The following ATP10D variants were observed in gnomAD, a reference collection of about 807,000 sequenced individuals.
ATP10D encodes phospholipid-transporting ATPase VD.
Under a neutral mutation model 144.8 loss-of-function variants are expected in ATP10D, and 89 were observed. The observed-to-expected ratio is 0.61, with a 90% CI of 0.52 to 0.73. The LOEUF (loss-of-function observed/expected upper bound fraction) is 0.73, where lower values mean the gene tolerates loss of function less well. Among genes scored for constraint, ATP10D ranks in the 30% least tolerant of loss-of-function variants. The pLI, the probability that ATP10D is intolerant of heterozygous loss-of-function variation, is 0.00. For synonymous variants in ATP10D, 571 were observed against 615.1 expected (o/e 0.93, Z 1.06); for missense variants, 1,603 against 1,714.8 (o/e 0.93, Z 1.15).
chr4:47,568,870 A>G lies in ATP10D; in HGVS notation c.2887A>G (p.Lys963Glu), dbSNP rs2109460434. The change falls in exon 16 of 23, where the codon AAA becomes GAA. Residue 963 changes from lysine (K) to glutamate (E), a missense_variant. Coordinates refer to ENST00000273859, the MANE Select transcript of ATP10D (RefSeq NM_020453.4). ...ACGMLMSTILKELQKKTQALP... is the reference protein window; with the variant it reads ...ACGMLMSTILEELQKKTQALP... Reference sequence around the variant, plus strand: ...TGGGATGCTGATGAGCACAATTTTGAAAGAACTTCAGAAGAAAACTCAAGC... The same window carrying G: ...TGGGATGCTGATGAGCACAATTTTGGAAGAACTTCAGAAGAAAACTCAAGC... The G allele has an allele frequency of 6.2e-7, 1 of 1,614,112 alleles. No individual in the cohort carries two copies. The highest frequency in any genetic ancestry group is 1.1e-5 in the South Asian group (1 of 91,080).
At position 47,572,936 on chromosome 4, in the gene ATP10D, A is replaced by C. The variant is rs751621741; in HGVS notation, c.3305A>C (p.His1102Pro). 2 of 1,614,088 alleles carry C rather than the reference A, an allele frequency of 1.2e-6. No homozygotes were observed. Among genetic ancestry groups the C allele is most frequent in the South Asian group, 1.1e-5 (1 of 91,082 alleles). The stretch of plus-strand genomic sequence containing the variant: ...CATCTCAGCAAGCTCCTTCTTGTCC[A>C]TGGACACTGGTGTTATACACGGCTT... Reference protein sequence around the residue: ...FKHLSKLLLVHGHWCYTRLSN... With the variant: ...FKHLSKLLLVPGHWCYTRLSN... Residue 1102 changes from histidine to proline, a missense_variant, in exon 18 of 23, where the codon CAT becomes CCT. Physicochemically the swap from His to Pro is moderately conservative, Grantham distance 77 (BLOSUM62 -2). Transcript: ENST00000273859.
Position 47,572,175 on chromosome 4 carries a change from G to A in ATP10D, c.3185G>A (p.Ser1062Asn), listed in dbSNP as rs1312435031. The A allele has an allele frequency of 1.8e-5, 29 of 1,613,922 alleles. No individual in the cohort carries two copies. The highest frequency in any genetic ancestry group is 2.3e-5 in the Non-Finnish European group (27 of 1,179,984). Residue 1062 changes from serine (S) to asparagine (N), a missense_variant, in exon 17 of 23, where the codon AGC becomes AAC. Physicochemically the swap from Ser to Asn is conservative, Grantham distance 46 (BLOSUM62 1). Coordinates refer to ENST00000273859, the MANE Select transcript of ATP10D (RefSeq NM_020453.4). ...GAAGGTGATGGTGCCAATGATGTTA[G>A]CATGATACAAGTGGCAGACATTGGG... ...LAIGDGANDVSMIQVADIGIG... is the reference protein window; with the variant it reads ...LAIGDGANDVNMIQVADIGIG...
intron 9 of ATP10D, among the ~76,000 whole-genome samples, chr4:47,537,267 T>C (rs1346910792): frequency 2.0e-5 from 3 of 152,184 alleles, no homozygotes; most frequent in Non-Finnish European, 4.4e-5. Context: ...AAAAATATTT[T>C]GGAAATAATT....
At chr4:47,521,324 A>G (rs1716934927) in intron 3 of ATP10D, among the ~76,000 whole-genome samples, 1 of 152,182 alleles carries the variant, frequency 6.6e-6, no homozygotes, top group Non-Finnish European at 1.5e-5. Flanking sequence ...TGACAGCACC[A>G]TCCATCACCT....
Position 47,519,621 on chromosome 4 carries a change from C to A in ATP10D, c.486-3391C>A, listed in dbSNP as rs750194239. Reference sequence around the variant, plus strand: ...GTTTAACCTGTGGTTGCTTTCCCACCGTGCTCTCTGAAGCCTTCTTTATTC... The same window carrying A: ...GTTTAACCTGTGGTTGCTTTCCCACAGTGCTCTCTGAAGCCTTCTTTATTC... On this transcript the variant is annotated intron_variant, in intron 3 of 22. Transcript: ENST00000273859. Among the ~76,000 whole-genome samples the A allele has an allele frequency of 1.2e-4, 19 of 152,224 alleles. No homozygotes were observed. In the East Asian group the frequency reaches 2.3e-3, roughly 18 times the overall value.
At chr4:47,513,970 G>A (rs1716498351) in intron 2 of ATP10D, among the ~76,000 whole-genome samples, 1 of 152,106 alleles carries the variant, frequency 6.6e-6, no homozygotes, top group African/African-American at 2.4e-5. Flanking sequence ...CAGATACTGT[G>A]GATTTAGTGT....
In ATP10D at chr4:47,536,417, G is replaced by A. The variant is rs1717847785; in HGVS notation, c.1016-20G>A. ...GCCATATATTTAGCATCCTTTTGAT[G>A]TCTGTGTATTTTTTGAAAGGTCATG... On this transcript the variant is annotated intron_variant, in intron 7 of 22. Coordinates refer to ENST00000273859, the MANE Select transcript of ATP10D (RefSeq NM_020453.4). The A allele has an allele frequency of 1.2e-6, 2 of 1,609,736 alleles. No homozygotes were observed. The highest frequency in any genetic ancestry group is 3.4e-5 in the Admixed American group (2 of 59,160).
chr4:47,555,647 C>T (rs538053098), intron 11 of ATP10D, among the ~76,000 whole-genome samples: 18 of 152,208 alleles, frequency 1.2e-4, no homozygotes, highest in South Asian at 4.2e-4. Context: ...GTTTATGTGC[C>T]AAATTGAAGC....
intron 22 of ATP10D, among the ~76,000 whole-genome samples, chr4:47,588,981 A>G (rs756419481): frequency 1.3e-5 from 2 of 152,218 alleles, no homozygotes; most frequent in Non-Finnish European, 2.9e-5. Flanking sequence ...GAGTGATTAC[A>G]TTATGGATCT....
At position 47,536,008 on chromosome 4, in the gene ATP10D, C is replaced by A; in HGVS notation, c.990C>A (p.Val330=). Residue 330 remains valine, a synonymous_variant, in exon 7 of 23, where the codon GTC becomes GTA. Transcript: ENST00000273859. The stretch of plus-strand genomic sequence containing the variant: ...TCCTCTGGTGTGTCATGCTTCTGGT[C>A]ATAATGTGCTTAACTGGCGCAGTAG... ...TDVLWCVMLL[V]IMCLTGAVGH... is the part of the protein sequence containing the mutation. 6.2e-7 allele frequency: 1 copy of A among 1,612,190 alleles called. No individual in the cohort carries two copies. Among genetic ancestry groups the A allele is most frequent in the South Asian group, 1.1e-5 (1 of 90,694 alleles).
intron 12 of ATP10D, among the ~76,000 whole-genome samples, chr4:47,558,512 C>A (rs1719114336): frequency 6.6e-6 from 1 of 152,168 alleles, no homozygotes; most frequent in African/African-American, 2.4e-5. Context: ...GCTAACTATT[C>A]TGTGCCTAAG....
chr4:47,523,038 G>A lies in ATP10D; in HGVS notation c.512G>A (p.Cys171Tyr), dbSNP rs766813065. 4.3e-6 allele frequency: 7 copies of A among 1,612,208 alleles called. No individual in the cohort carries two copies. Among genetic ancestry groups the A allele is most frequent in the Non-Finnish European group, 5.9e-6 (7 of 1,179,244 alleles). The change falls in exon 4 of 23, where the codon TGC becomes TAC. Residue 171 changes from cysteine to tyrosine, a missense_variant. Transcript: ENST00000273859. Reference sequence around the variant, plus strand: ...AAAGAGAAAAAATACATTGACCGATGCTGGAAAGACGTTACTGTTGGGGAC... The same window carrying A: ...AAAGAGAAAAAATACATTGACCGATACTGGAAAGACGTTACTGTTGGGGAC... ...SRKEKKYIDR[C>Y]WKDVTVGDFI...
intron 22 of ATP10D, among the ~76,000 whole-genome samples, chr4:47,590,133 T>C (rs1013636980): frequency 1.3e-5 from 2 of 152,094 alleles, no homozygotes; most frequent in African/African-American, 4.8e-5. Flanking sequence ...GCAGAAAAAT[T>C]AGCTAAATTG....
At chr4:47,512,959 A>G in intron 2 of ATP10D, 129 bp downstream of exon 2, 3 of 926,568 alleles carry the variant, frequency 3.2e-6, no homozygotes, top group Admixed American at 3.0e-5. Context: ...CAATTTTGAT[A>G]CAAATCTGTT....
intron 9 of ATP10D, among the ~76,000 whole-genome samples, chr4:47,542,349 G>C (rs572498627): frequency 1.3e-5 from 2 of 152,004 alleles, no homozygotes; most frequent in Non-Finnish European, 2.9e-5. Flanking sequence ...TGCCAGCCTC[G>C]GCCTCCCAAA....
At chr4:47,575,147 T>C (rs1720162730) in intron 18 of ATP10D, among the ~76,000 whole-genome samples, 1 of 152,108 alleles carries the variant, frequency 6.6e-6, no homozygotes, top group Non-Finnish European at 1.5e-5. Context: ...TTGATCTTGA[T>C]ACTAAGCCCT....
chr4:47,533,022 G>T (rs1717649072), intron 5 of ATP10D, among the ~76,000 whole-genome samples: 1 of 152,134 alleles, frequency 6.6e-6, no homozygotes, highest in African/African-American at 2.4e-5. Context: ...GACATTTTTG[G>T]AATTTGCAGT....
chr4:47,524,065 T>C (rs937444098), intron 4 of ATP10D, among the ~76,000 whole-genome samples: 7 of 152,164 alleles, frequency 4.6e-5, no homozygotes, highest in Admixed American at 1.3e-4. Flanking sequence ...TAGCTGAGAC[T>C]ACAGGCACGT....
intron 1 of ATP10D, among the ~76,000 whole-genome samples, chr4:47,508,210 T>C (rs550683172): frequency 6.6e-6 from 1 of 152,318 alleles, no homozygotes; most frequent in South Asian, 2.1e-4. Flanking sequence ...GATTAGGTAG[T>C]ATGAAGGTCA....
Sources: gnomAD v4.1 joint callset for allele counts (sites outside exome capture counted in the v4.1 genomes callset) on GRCh38, gnomAD v4.1.1 for gene constraint, MANE v1.5 for transcripts, NCBI Gene and HGNC (gene_info 2026-07-23, HGNC 2026-07-21) for gene names.